OTUD3: variants seen among roughly 807,000 people sequenced by gnomAD.
OTUD3 encodes OTU domain-containing protein 3.
In OTUD3, 24 loss-of-function variants were observed where a neutral mutation model predicts 46.2. The ratio of observed to expected loss-of-function variants is 0.52; its 90% confidence interval spans 0.38 to 0.73. The LOEUF (loss-of-function observed/expected upper bound fraction) is 0.73. Among genes scored for constraint, OTUD3 ranks in the 30% least tolerant of loss-of-function variants. OTUD3 has a pLI of 0.00. For missense variants in OTUD3, 455 were observed against 523.3 expected (o/e 0.87, Z 1.27); for synonymous variants, 189 against 195.4 (o/e 0.97, Z 0.27).
chr1:19,909,495 C>T lies in OTUD3; in HGVS notation c.*1749C>T, dbSNP rs2100334292. 6.6e-6 allele frequency: 1 copy of T among 152,448 alleles called. No homozygotes were observed. Among genetic ancestry groups the T allele is most frequent in the South Asian group, 2.1e-4 (1 of 4,824 alleles). The allele number at this position is 152,448 out of a possible 1,614,324, so 9.4% of individuals were successfully genotyped here. A position where few individuals can be genotyped will look rare whatever the true frequency, so the allele number is the denominator to read the frequency against. On this transcript the variant is annotated 3_prime_UTR_variant, in exon 8 of 8. Transcript: ENST00000375120. ...CCAAACGAATGAAAGATCTCTGTTG[C>T]CTTACTCTAAGGAAGTGGGATCGAG...
In OTUD3 at chr1:19,907,765, G is replaced by T. The variant is rs10916669; in HGVS notation, c.*19G>T. On this transcript the variant is annotated 3_prime_UTR_variant, in exon 8 of 8. Transcript: ENST00000375120. The stretch of plus-strand genomic sequence containing the variant: ...CATCTGACTCTTTGGCCTCTTGGGA[G>T]TTGTAAGAAGCGGCTGGAAAAGGAT... The T allele has an allele frequency of 0.015, 24,212 of 1,610,360 alleles. 685 individuals carry two copies. The highest frequency in any genetic ancestry group is 0.12 in the African/African-American group (8,960 of 74,966).
rs1557682294 is a variant in OTUD3, at chr1:19,906,546, G to A, written c.950G>A (p.Arg317Lys). 1.9e-6 allele frequency: 3 copies of A among 1,613,854 alleles called. No homozygotes were observed. Reference protein sequence around the residue: ...IFGNQGLNEGRTENNKAQASP... With the variant: ...IFGNQGLNEGKTENNKAQASP... Reference sequence around the variant, plus strand: ...GGAAATCAGGGCTTAAATGAAGGCAGGACCGAAAACAATAAGGCACAGGCC... The same window carrying A: ...GGAAATCAGGGCTTAAATGAAGGCAAGACCGAAAACAATAAGGCACAGGCC... The change falls in exon 7 of 8, where the codon AGG (arginine) becomes AAG (lysine). Residue 317 changes from arginine (R) to lysine (K), a missense_variant. Coordinates refer to ENST00000375120, the MANE Select transcript of OTUD3 (RefSeq NM_015207.2).
At chr1:19,885,744 G>A (rs1191030706) in intron 1 of OTUD3, among the ~76,000 whole-genome samples, 1 of 152,188 alleles carries the variant, frequency 6.6e-6, no homozygotes, top group Non-Finnish European at 1.5e-5. Context: ...GTGAGCCACC[G>A]CGCCTGGACA....
chr1:19,895,151 AT>A (rs2045502793), intron 3 of OTUD3, among the ~76,000 whole-genome samples: 1 of 152,230 alleles, frequency 6.6e-6, no homozygotes, highest in Non-Finnish European at 1.5e-5. Flanking sequence ...ATGTATCCAT[AT>A]CCACATATAT....
Position 19,907,695 on chromosome 1 carries a change from G to GGC in OTUD3, c.1148_1149dup (p.Asn384ArgfsTer8). ...GGGACAATAACAGAAGCGAAGCAGA[G>GGC]GCGAACACGCAGGTCACCTTGGTGA... On this transcript the variant is annotated frameshift_variant, in exon 8 of 8. Transcript: ENST00000375120. LOFTEE classifies it high-confidence loss of function. The GGC allele has an allele frequency of 6.2e-7, 1 of 1,614,248 alleles. No homozygotes were observed. Among genetic ancestry groups the GGC allele is most frequent in the Non-Finnish European group, 8.5e-7 (1 of 1,180,050 alleles).
chr1:19,890,548 G>A lies in OTUD3; in HGVS notation c.370+15G>A. 6.2e-7 allele frequency: 1 copy of A among 1,612,310 alleles called. No homozygotes were observed. The highest frequency in any genetic ancestry group is 8.5e-7 in the Non-Finnish European group (1 of 1,178,558). On this transcript the variant is annotated intron_variant, in intron 2 of 7. Coordinates refer to ENST00000375120, the MANE Select transcript of OTUD3 (RefSeq NM_015207.2). ...TGAGAAGCATGGTAGGTTCACTGTG[G>A]GACATTGTGTCCTTCAGGAGTAATG...
intron 2 of OTUD3, among the ~76,000 whole-genome samples, chr1:19,893,013 C>G (rs1297145557): frequency 6.6e-6 from 1 of 152,188 alleles, no homozygotes; most frequent in Non-Finnish European, 1.5e-5. Flanking sequence ...TTCTCTCTCT[C>G]TCTCGTGTCT....
chr1:19,893,153 G>A (rs1438371862), intron 2 of OTUD3, among the ~76,000 whole-genome samples: 2 of 152,092 alleles, frequency 1.3e-5, no homozygotes, highest in African/African-American at 2.4e-5. Context: ...TCAATTCCAC[G>A]TTGGCTTATG....
At chr1:19,907,534 G>A (rs368199795) in intron 7 of OTUD3, 36 bp from the exon 8 acceptor site, 43 of 1,603,134 alleles carry the variant, frequency 2.7e-5, no homozygotes, top group African/African-American at 2.7e-4. Context: ...TGAGTCCCCC[G>A]TGCTTCCTAC....
chr1:19,902,245 C>T (rs188647540), intron 4 of OTUD3, among the ~76,000 whole-genome samples: 216 of 152,278 alleles, frequency 1.4e-3, no homozygotes, highest in African/African-American at 5.0e-3. Context: ...TGCTCTGTCG[C>T]CCAGGCTGGA....
rs1286339430 is a variant in OTUD3, at chr1:19,910,176, G to T, written c.*2430G>T. 6.6e-6 allele frequency: 1 copy of T among 152,344 alleles called. No individual in the cohort carries two copies. Among genetic ancestry groups the T allele is most frequent in the African/African-American group, 2.4e-5 (1 of 41,444 alleles). 9.4% of individuals were successfully genotyped at this position (152,344 alleles called of 1,614,324 possible). On this transcript the variant is annotated 3_prime_UTR_variant, in exon 8 of 8. Transcript: ENST00000375120. ...TCTAGTCCTGGGATGACTGTTGTCA[G>T]CAGCTGTTACTCTAGTACAGGTGCT...
At chr1:19,885,924 G>A (rs1025270187) in intron 1 of OTUD3, among the ~76,000 whole-genome samples, 9 of 152,286 alleles carry the variant, frequency 5.9e-5, no homozygotes, top group East Asian at 1.9e-4. Flanking sequence ...TGGCAATATG[G>A]TACCTGTAGC....
rs757008985 is a variant in OTUD3 at position 19,907,741 on chromosome 1, A to G, written c.1192A>G (p.Ile398Val). The change falls in exon 8 of 8, where the codon ATC (isoleucine) becomes GTC (valine). Residue 398 changes from isoleucine (I) to valine (V), a missense_variant. By Grantham distance (29) the Ile-to-Val change is conservative (BLOSUM62 3). Transcript: ENST00000375120. ...GGTGAAGACCTTCGCCGCTCTCAAC[A>G]TCTGACTCTTTGGCCTCTTGGGAGT... The part of the protein sequence containing the change: ...TLVKTFAALN[I>V] 2 of 1,613,978 alleles carry G rather than the reference A, an allele frequency of 1.2e-6. No individual in the cohort carries two copies. The highest frequency in any genetic ancestry group is 3.3e-5 in the Admixed American group (2 of 60,012).
intron 1 of OTUD3, among the ~76,000 whole-genome samples, chr1:19,883,529 G>C (rs2045306235): frequency 6.6e-6 from 1 of 152,326 alleles, no homozygotes; most frequent in South Asian, 2.1e-4. Flanking sequence ...CTTTGGAAGA[G>C]AGAGTGTTAA....
At chr1:19,883,281 C>T (rs965621961) in intron 1 of OTUD3, among the ~76,000 whole-genome samples, 4 of 152,190 alleles carry the variant, frequency 2.6e-5, no homozygotes, top group African/African-American at 9.7e-5. Flanking sequence ...GCCTCAGTTT[C>T]TCTGTAAGCA....
At chr1:19,882,802 C>A in intron 1 of OTUD3, 68 bp downstream of exon 1, 2 of 1,226,360 alleles carry the variant, frequency 1.6e-6, no homozygotes, top group Non-Finnish European at 2.1e-6. Flanking sequence ...GCGACCGTTG[C>A]CCGCTCGCGT....
intron 4 of OTUD3, among the ~76,000 whole-genome samples, chr1:19,898,663 G>A (rs971331366): frequency 5.9e-5 from 9 of 151,600 alleles, no homozygotes; most frequent in Non-Finnish European, 1.3e-4. Flanking sequence ...GGGAGGTGGA[G>A]GTTGCAGTGA....
intron 1 of OTUD3, among the ~76,000 whole-genome samples, chr1:19,888,160 C>G (rs2045395735): frequency 1.3e-5 from 2 of 152,198 alleles, no homozygotes; most frequent in African/African-American, 4.8e-5. Flanking sequence ...CTACTGACAG[C>G]TAATGGCAGA....
chr1:19,893,003 T>TTC (rs151287031), intron 2 of OTUD3, among the ~76,000 whole-genome samples: 7 of 151,880 alleles, frequency 4.6e-5, no homozygotes, highest in Admixed American at 1.3e-4. Context: ...CATATTAGAG[T>TTC]TCTCTCTCTC....
Sources: allele counts gnomAD v4.1 joint callset (sites outside exome capture counted in the v4.1 genomes callset), GRCh38; gene constraint gnomAD v4.1.1; transcripts MANE v1.5; gene names NCBI Gene and HGNC (gene_info 2026-07-23, HGNC 2026-07-21).